The following PREX2 variants were observed in gnomAD, a reference collection of about 807,000 sequenced individuals.
PREX2 encodes the protein phosphatidylinositol 3,4,5-trisphosphate-dependent Rac exchanger 2 protein.
Under a neutral mutation model 203.2 loss-of-function variants are expected in PREX2, and 107 were observed. The ratio of observed to expected loss-of-function variants is 0.53; its 90% CI spans 0.45 to 0.62. The LOEUF is 0.62. PREX2 is among the 20% of genes least tolerant of loss of function. The probability of loss-of-function intolerance (pLI) is 0.00; values close to 1 mark genes in which losing one functional copy is unlikely to be tolerated. For synonymous variants in PREX2, 672 were observed against 663.6 expected, an observed-to-expected ratio of 1.01 and a Z score of -0.19; for missense variants, 1,777 against 1,955.9, an observed-to-expected ratio of 0.91 and a Z score of 1.72.
chr8:67,968,432 C>T (rs1361976807), intron 1 of PREX2, among the ~76,000 whole-genome samples: 4 of 151,978 alleles, frequency 2.6e-5, no homozygotes, highest in South Asian at 2.1e-4. Flanking sequence ...TCACTGAATT[C>T]GCAGCACAAA....
At chr8:67,998,606 A>G (rs1806839808) in intron 1 of PREX2, among the ~76,000 whole-genome samples, 1 of 152,178 alleles carries the variant, frequency 6.6e-6, no homozygotes, top group Non-Finnish European at 1.5e-5. Context: ...GTCTCTAGAA[A>G]AAAAACAAAA....
rs1391961844 is a variant in PREX2, at chr8:68,224,456, T to C, written c.4708-103T>C. On this transcript the variant is annotated intron_variant, in intron 38 of 39. Coordinates refer to ENST00000288368, the MANE Select transcript of PREX2 (RefSeq NM_024870.4). ...TTCTCTTAGCTAATCTCCCTTGATG[T>C]TAAAGACATTGTTTGAATAAGTATC... 7 of 873,110 alleles carry C rather than the reference T, an allele frequency of 8.0e-6. No individual in the cohort carries two copies. The African/African-American group carries it at 1.1e-4, about 14-fold the overall frequency. 54.1% of individuals were successfully genotyped at this position (873,110 alleles called of 1,614,324 possible). A position where few individuals can be genotyped will look rare whatever the true frequency, so the allele number is the denominator to read the frequency against.
intron 23 of PREX2, chr8:68,105,520 C>G: frequency 1.7e-6 from 2 of 1,155,400 alleles, no homozygotes; most frequent in Non-Finnish European, 2.2e-6. Context: ...CAGCTCTCCC[C>G]GATTACTCCA....
At chr8:68,129,709 T>G (rs1810962647) in intron 31 of PREX2, among the ~76,000 whole-genome samples, 1 of 152,186 alleles carries the variant, frequency 6.6e-6, no homozygotes, top group Non-Finnish European at 1.5e-5. Context: ...GATTAAATAG[T>G]GTAATTTAAA....
At chr8:67,960,319 G>C (rs1361919435) in intron 1 of PREX2, among the ~76,000 whole-genome samples, 1 of 152,112 alleles carries the variant, frequency 6.6e-6, no homozygotes, top group Non-Finnish European at 1.5e-5. Context: ...TACGATTACA[G>C]GCGTGAGCCA....
intron 8 of PREX2, among the ~76,000 whole-genome samples, chr8:68,047,871 G>C (rs530257386): frequency 1.5e-3 from 235 of 151,918 alleles, no homozygotes; most frequent in African/African-American, 5.5e-3. Flanking sequence ...CTTGGGATGA[G>C]ACAAAAGTTT....
chr8:68,151,491 G>A (rs902968444), intron 34 of PREX2, among the ~76,000 whole-genome samples: 1 of 152,010 alleles, frequency 6.6e-6, no homozygotes, highest in Non-Finnish European at 1.5e-5. Context: ...TCTTTTTGTG[G>A]GCACATACAA....
intron 8 of PREX2, among the ~76,000 whole-genome samples, chr8:68,045,636 A>T (rs1808328676): frequency 6.6e-6 from 1 of 152,098 alleles, no homozygotes; most frequent in African/African-American, 2.4e-5. Flanking sequence ...GGTGCCTGAG[A>T]CTGAGCACTC....
intron 23 of PREX2, among the ~76,000 whole-genome samples, chr8:68,104,231 G>A (rs1015495561): frequency 6.6e-6 from 1 of 152,128 alleles, no homozygotes; most frequent in African/African-American, 2.4e-5. Flanking sequence ...CCTGTAAGTG[G>A]TATCTTTGCT....
intron 35 of PREX2, among the ~76,000 whole-genome samples, chr8:68,177,469 G>A (rs1016198401): frequency 1.3e-5 from 2 of 152,152 alleles, no homozygotes; most frequent in African/African-American, 4.8e-5. Flanking sequence ...GGTAGGTGAG[G>A]TGGGAGGATC....
intron 35 of PREX2, among the ~76,000 whole-genome samples, chr8:68,157,914 T>C (rs1811572919): frequency 6.6e-6 from 1 of 151,946 alleles, no homozygotes; most frequent in South Asian, 2.1e-4. Flanking sequence ...CCCTTAATGC[T>C]TGCATTTTAC....
chr8:68,098,952 A>G (rs965984991), intron 22 of PREX2, among the ~76,000 whole-genome samples: 1 of 82,452 alleles, frequency 1.2e-5, no homozygotes, highest in African/African-American at 3.2e-5. Context: ...ATATATATAT[A>G]TATATATATA....
chr8:68,111,343 C>T (rs1256057957), intron 25 of PREX2, among the ~76,000 whole-genome samples: 25 of 152,028 alleles, frequency 1.6e-4, no homozygotes, highest in Non-Finnish European at 1.0e-4. Context: ...ACTGCATTGA[C>T]GATCTAGCAC....
At chr8:68,120,540 A>G (rs1810750596) in intron 29 of PREX2, among the ~76,000 whole-genome samples, 1 of 152,164 alleles carries the variant, frequency 6.6e-6, no homozygotes, top group Non-Finnish European at 1.5e-5. Context: ...AAAATAAGTT[A>G]ATTGAAGATA....
chr8:67,998,072 A>G (rs1159047404), intron 1 of PREX2, among the ~76,000 whole-genome samples: 4 of 152,170 alleles, frequency 2.6e-5, no homozygotes, highest in African/African-American at 9.7e-5. Flanking sequence ...GAGGATCAGG[A>G]AATCTTTTTT....
intron 31 of PREX2, among the ~76,000 whole-genome samples, chr8:68,130,939 T>C (rs1810997094): frequency 6.6e-6 from 1 of 152,216 alleles, no homozygotes; most frequent in Middle Eastern, 3.2e-3. Flanking sequence ...GAGTTGACTC[T>C]TAAAGATTGA....
chr8:67,968,660 T>G (rs1393776600), intron 1 of PREX2, among the ~76,000 whole-genome samples: 2 of 152,328 alleles, frequency 1.3e-5, no homozygotes, highest in East Asian at 3.9e-4. Flanking sequence ...GCAAACACAA[T>G]TACCACAGAA....
chr8:68,185,715 T>C (rs768124218), intron 35 of PREX2, among the ~76,000 whole-genome samples: 7 of 149,776 alleles, frequency 4.7e-5, no homozygotes, highest in Non-Finnish European at 1.0e-4. Flanking sequence ...TTTTATCCTA[T>C]AGGGACTAAA....
At chr8:68,023,657 G>A (rs557489067) in intron 4 of PREX2, among the ~76,000 whole-genome samples, 53 of 151,986 alleles carry the variant, frequency 3.5e-4, no homozygotes, top group African/African-American at 8.7e-4. Flanking sequence ...TGTTATGACC[G>A]TGTTTTTTTG....
Sources: allele counts gnomAD v4.1 joint callset (sites outside exome capture counted in the v4.1 genomes callset), GRCh38; gene constraint gnomAD v4.1.1; transcripts MANE v1.5; gene names NCBI Gene and HGNC (gene_info 2026-07-23, HGNC 2026-07-21).